DNAH11: variants seen among roughly 807,000 people sequenced by gnomAD.
The protein encoded by DNAH11 is dynein axonemal heavy chain 11.
DNAH11 carries 442 observed loss-of-function variants against 526.0 expected under a neutral mutation model. The ratio of observed to expected loss-of-function variants is 0.84; its 90% CI spans 0.78 to 0.91. The LOEUF is 0.91. Among genes scored for constraint, DNAH11 ranks in the 40% least tolerant of loss-of-function variants. The pLI is 0.00. For synonymous variants in DNAH11, 2,461 were observed against 1,935.9 expected (o/e 1.27, Z -7.12); for missense variants, 6,989 against 5,448.7 (o/e 1.28, Z -8.90).
At chr7:21,784,618 G>A in intron 58 of DNAH11, 78 bp downstream of exon 58, 1 of 1,049,112 alleles carries the variant, frequency 9.5e-7, no homozygotes, top group South Asian at 2.1e-5. Context: ...ACTGAGCTGA[G>A]AGAGTAGCCC....
In DNAH11 at chr7:21,782,370, A is replaced by T. The variant is rs186857516; in HGVS notation, c.9484-2057A>T. On this transcript the variant is annotated intron_variant, in intron 57 of 81. Coordinates refer to ENST00000409508, the MANE Select transcript of DNAH11 (RefSeq NM_001277115.2). Reference sequence around the variant, plus strand: ...CTGCCTAGGAGCCACTGGGCAAAGGAAATTGTACACTGGCTTAACAGCTTA... The same window carrying T: ...CTGCCTAGGAGCCACTGGGCAAAGGTAATTGTACACTGGCTTAACAGCTTA... Among the ~76,000 whole-genome samples, 4 of 152,316 alleles carry T rather than the reference A, an allele frequency of 2.6e-5. No individual in the cohort carries two copies. The East Asian group carries it at 5.8e-4, about 22-fold the overall frequency.
chr7:21,837,430 A>G (rs1410260131), intron 65 of DNAH11, among the ~76,000 whole-genome samples: 1 of 152,222 alleles, frequency 6.6e-6, no homozygotes, highest in African/African-American at 2.4e-5. Context: ...TTGTGGCAAC[A>G]TGGATGAACC....
intron 61 of DNAH11, among the ~76,000 whole-genome samples, chr7:21,790,892 A>G (rs1788453870): frequency 6.6e-6 from 1 of 152,232 alleles, no homozygotes; most frequent in Non-Finnish European, 1.5e-5. Flanking sequence ...ATTTTATCCG[A>G]TTGGTGATAT....
rs1784419156 is a variant in DNAH11 at position 21,710,508 on chromosome 7, A to G, written c.6684-45A>G. ...AAGAGCTTCCAAGATGAATAATATC[A>G]ATCTATCGTAGAAATAAACAGCACT... is the stretch of plus-strand genomic sequence containing the variant. On this transcript the variant is annotated intron_variant, in intron 40 of 81. Transcript: ENST00000409508. 4 of 1,487,590 alleles carry G rather than the reference A, an allele frequency of 2.7e-6. No individual in the cohort carries two copies. The South Asian group carries it at 5.2e-5, about 19-fold the overall frequency. 92.1% of individuals were successfully genotyped at this position (1,487,590 alleles called of 1,614,324 possible).
At chr7:21,832,941 A>G (rs1351668419) in intron 65 of DNAH11, among the ~76,000 whole-genome samples, 1 of 152,220 alleles carries the variant, frequency 6.6e-6, no homozygotes, top group Non-Finnish European at 1.5e-5. Flanking sequence ...ACTTTAAAAA[A>G]TAAGTTAATC....
intron 65 of DNAH11, among the ~76,000 whole-genome samples, chr7:21,823,654 T>C (rs1299786502): frequency 2.0e-5 from 3 of 152,106 alleles, no homozygotes; most frequent in African/African-American, 4.8e-5. Context: ...TGCATAAGAA[T>C]CATATACTAT....
intron 30 of DNAH11, among the ~76,000 whole-genome samples, chr7:21,679,668 G>T (rs1783059192): frequency 6.6e-6 from 1 of 152,080 alleles, no homozygotes; most frequent in Non-Finnish European, 1.5e-5. Flanking sequence ...TGTCCTGAAT[G>T]CTTCTTGCAC....
chr7:21,781,684 A>G (rs560510868), intron 57 of DNAH11, among the ~76,000 whole-genome samples: 1 of 152,346 alleles, frequency 6.6e-6, no homozygotes, highest in African/African-American at 2.4e-5. Flanking sequence ...TTAGAGGATC[A>G]TAAGGAAATT....
At chr7:21,643,673 G>C (rs1026086125) in intron 28 of DNAH11, among the ~76,000 whole-genome samples, 7 of 152,102 alleles carry the variant, frequency 4.6e-5, no homozygotes, top group Non-Finnish European at 1.5e-5. Flanking sequence ...AAACAACTTG[G>C]GTGAGTGAAT....
chr7:21,803,781 TG>T lies in DNAH11; in HGVS notation c.10165+2510del, dbSNP rs1301202625. ...CATTGAAGTCTGGAAAAGTGGGGAA[TG>T]GGGCTGTCATCATTGAAGTCTGGAA... On this transcript the variant is annotated intron_variant, in intron 62 of 81. Transcript: ENST00000409508. Among the ~76,000 whole-genome samples the T allele has an allele frequency of 6.0e-5, 9 of 150,402 alleles. 1 individual carries two copies. The highest frequency in any genetic ancestry group is 2.2e-4 in the African/African-American group (9 of 40,456).
intron 66 of DNAH11, among the ~76,000 whole-genome samples, chr7:21,848,719 T>C (rs1782513757): frequency 6.6e-6 from 1 of 152,154 alleles, no homozygotes; most frequent in African/African-American, 2.4e-5. Context: ...CCTTCTCTTC[T>C]GCCTTCTTTG....
chr7:21,845,537 G>T (rs10236159), intron 66 of DNAH11, among the ~76,000 whole-genome samples: 13,722 of 151,956 alleles, frequency 0.09, 1,774 homozygotes, highest in African/African-American at 0.27. Context: ...GAATAGATCA[G>T]TTGGATCTAT....
chr7:21,873,231 A>C (rs1451203779), intron 73 of DNAH11, 43 bp from the exon 74 acceptor site: 1 of 1,421,660 alleles, frequency 7.0e-7, no homozygotes. Context: ...TTCAAGTAAT[A>C]TGCCTCACCT....
intron 74 of DNAH11, among the ~76,000 whole-genome samples, chr7:21,874,487 C>A (rs905934877): frequency 6.6e-6 from 1 of 151,944 alleles, no homozygotes; most frequent in Non-Finnish European, 1.5e-5. Flanking sequence ...AGGCGCCCAC[C>A]ACCAAGCCCA....
intron 63 of DNAH11, among the ~76,000 whole-genome samples, chr7:21,811,398 G>C: frequency 6.6e-6 from 1 of 152,040 alleles, no homozygotes; most frequent in South Asian, 2.1e-4. Flanking sequence ...GGAAGTTGCA[G>C]TGAGCCGAGA....
At position 21,892,677 on chromosome 7, in the gene DNAH11, C is replaced by G; in HGVS notation, c.12750+10C>G. ...GTCTACAGAAGAAAAGGTAGAGGGT[C>G]TTTCCTTCCTTTTCTTTTTCATTGA... On this transcript the variant is annotated intron_variant, in intron 77 of 81. Transcript: ENST00000409508. The G allele has an allele frequency of 1.3e-6, 2 of 1,568,722 alleles. No individual in the cohort carries two copies. Among genetic ancestry groups the G allele is most frequent in the Non-Finnish European group, 1.7e-6 (2 of 1,156,510 alleles).
chr7:21,592,415 C>T (rs1448868659), intron 14 of DNAH11, among the ~76,000 whole-genome samples: 1 of 152,054 alleles, frequency 6.6e-6, no homozygotes, highest in Non-Finnish European at 1.5e-5. Flanking sequence ...AGCAGCCTGG[C>T]CTGTTCCAGG....
chr7:21,639,965 G>C lies in DNAH11; in HGVS notation c.4944+900G>C, dbSNP rs1169839023. Among the ~76,000 whole-genome samples the C allele has an allele frequency of 2.6e-5, 4 of 151,768 alleles. No homozygotes were observed. The South Asian group carries it at 6.2e-4, about 24-fold the overall frequency. The stretch of plus-strand genomic sequence containing the variant: ...ACATTGCAGTTCCCTGAATTTTGCT[G>C]TTCTTTGGGCACAGTATTTATCTTA... On this transcript the variant is annotated intron_variant, in intron 28 of 81. Transcript: ENST00000409508.
intron 65 of DNAH11, among the ~76,000 whole-genome samples, chr7:21,824,813 A>G (rs184484322): frequency 8.5e-4 from 130 of 152,278 alleles, no homozygotes; most frequent in African/African-American, 2.9e-3. Flanking sequence ...TCCCTCAATC[A>G]TATGTTTCTA....
Sources: allele counts gnomAD v4.1 joint callset (sites outside exome capture counted in the v4.1 genomes callset), GRCh38; gene constraint gnomAD v4.1.1; transcripts MANE v1.5; gene names NCBI Gene and HGNC (gene_info 2026-07-23, HGNC 2026-07-21).